ERCC1: variants seen among roughly 807,000 people sequenced by gnomAD.
The protein encoded by ERCC1 is DNA excision repair protein ERCC-1.
ERCC1 carries 36 observed loss-of-function variants against 37.6 expected under a neutral mutation model. That is an observed-to-expected ratio of 0.96 (90% CI 0.73 to 1.26). The LOEUF is 1.26. Ranked by LOEUF, ERCC1 falls within the 50% of genes most tolerant of loss-of-function variation. The pLI, the probability that ERCC1 is intolerant of heterozygous loss-of-function variation, is 0.00. For missense variants in ERCC1, 349 were observed against 376.5 expected, an observed-to-expected ratio of 0.93 and a Z score of 0.60; for synonymous variants, 156 against 162.1, an observed-to-expected ratio of 0.96 and a Z score of 0.28.
chr19:45,421,421 G>T (rs755931761), intron 2 of ERCC1, 28 bp from the exon 3 acceptor site: 1 of 1,553,654 alleles, frequency 6.4e-7, no homozygotes. Context: ...GTTTGCAGGG[G>T]ACTGGTTGGG....
At chr19:45,418,560 A>C (rs1369800481) in intron 5 of ERCC1, among the ~76,000 whole-genome samples, 1 of 151,104 alleles carries the variant, frequency 6.6e-6, no homozygotes, top group Non-Finnish European at 1.5e-5. Context: ...ACGGTGGCTC[A>C]TGCCTGTAAT....
chr19:45,439,721 G>A (rs1975069134), intron 1 of ERCC1, among the ~76,000 whole-genome samples: 1 of 151,976 alleles, frequency 6.6e-6, no homozygotes, highest in Admixed American at 6.6e-5. Flanking sequence ...CGCCCTGCCG[G>A]CTCGCCGGCG....
At position 45,408,037 on chromosome 19, in the gene ERCC1, G is replaced by C; in HGVS notation, c.*1638C>G. On this transcript the variant is annotated 3_prime_UTR_variant, in exon 10 of 10. Coordinates refer to ENST00000300853, the MANE Select transcript of ERCC1 (RefSeq NM_001983.4). ...CCACTGCACTCCAGCCTAGGCAACAGAGCAAGACTCTCTCAAAAAAAAACA... is the reference window on the plus strand; with the variant it reads ...CCACTGCACTCCAGCCTAGGCAACACAGCAAGACTCTCTCAAAAAAAAACA... 7.0e-7 allele frequency: 1 copy of C among 1,433,188 alleles called. No individual in the cohort carries two copies. The highest frequency in any genetic ancestry group is 9.3e-7 in the Non-Finnish European group (1 of 1,076,312). 88.8% of individuals were successfully genotyped at this position (1,433,188 alleles called of 1,614,324 possible). A position where few individuals can be genotyped will look rare whatever the true frequency, so the allele number is the denominator to read the frequency against.
At chr19:45,440,585 C>T (rs1568600045) in intron 1 of ERCC1, among the ~76,000 whole-genome samples, 1 of 152,148 alleles carries the variant, frequency 6.6e-6, no homozygotes, top group Non-Finnish European at 1.5e-5. Context: ...GCCAGCATCA[C>T]GGCTCATTCT....
intron 9 of ERCC1, 164 bp from the exon 10 acceptor site, chr19:45,409,889 A>ATTCTTTTT (rs1184782156): frequency 4.2e-6 from 1 of 237,318 alleles, no homozygotes; most frequent in Non-Finnish European, 6.8e-6. Flanking sequence ...TATTATTATT[A>ATTCTTTTT]TTATTATTTT....
chr19:45,447,309 CTT>C (rs964366035), intron 1 of ERCC1, among the ~76,000 whole-genome samples: 12 of 122,884 alleles, frequency 9.8e-5, no homozygotes, highest in African/African-American at 3.9e-4. Context: ...GAGATTTGCT[CTT>C]GTCATCCAGG....
intron 1 of ERCC1, among the ~76,000 whole-genome samples, chr19:45,436,289 T>C (rs1974973493): frequency 6.6e-6 from 1 of 152,152 alleles, no homozygotes; most frequent in Admixed American, 6.6e-5. Flanking sequence ...ATTAGTTTCT[T>C]AACGGCTACT....
chr19:45,409,099 G>C lies in ERCC1; in HGVS notation c.*576C>G, dbSNP rs768522342. ...CAGAAGGAGCGAAGCCTCAGGCCCA[G>C]GCAGCTCTGGCAGCTCCCAAAAAGA... On this transcript the variant is annotated 3_prime_UTR_variant, in exon 10 of 10. Coordinates refer to ENST00000300853, the MANE Select transcript of ERCC1 (RefSeq NM_001983.4). The C allele has an allele frequency of 1.2e-6, 2 of 1,613,526 alleles. No homozygotes were observed. The highest frequency in any genetic ancestry group is 2.2e-5 in the South Asian group (2 of 91,004).
intron 1 of ERCC1, among the ~76,000 whole-genome samples, chr19:45,429,627 T>C (rs930339381): frequency 6.6e-6 from 1 of 152,150 alleles, no homozygotes; most frequent in Non-Finnish European, 1.5e-5. Context: ...TCAGGGACCC[T>C]GGGTAGTTGC....
rs56670394 is a variant in ERCC1, at chr19:45,450,887, G to GCCCCCCCCC, written c.-7-27515_-7-27507dup. 5.1e-5 allele frequency among the ~76,000 whole-genome samples: 3 copies of GCCCCCCCCC among 59,382 alleles called. 1 individual carries two copies. The highest frequency in any genetic ancestry group is 7.3e-5 in the Non-Finnish European group (2 of 27,274). 39.0% of individuals were successfully genotyped at this position (59,382 alleles called of 152,430 possible). On this transcript the variant is annotated intron_variant, in intron 1 of 8. Transcript: ENST00000423698. ...ACGCGGCCGCCGTCTCCGTGCGCCC[G>GCCCCCCCCC]CCCCCCCCCCCCCCCCCCACGCCCG... is the stretch of plus-strand genomic sequence containing the variant.
chr19:45,436,394 A>G (rs1029541536), intron 1 of ERCC1, among the ~76,000 whole-genome samples: 3 of 152,078 alleles, frequency 2.0e-5, no homozygotes, highest in Admixed American at 2.0e-4. Flanking sequence ...TGGGAGGCCG[A>G]GGCGGGCGGA....
In ERCC1 at chr19:45,434,345, G is replaced by A. The variant is rs957059321; in HGVS notation, c.-7-10964C>T. On this transcript the variant is annotated intron_variant, in intron 1 of 8. Transcript: ENST00000423698. ...AAAAAATACAAAAAAAAAAAAAATC[G>A]CATGGCTTGGTGGCATGTGCCTGTA... Among the ~76,000 whole-genome samples, 4 of 142,856 alleles carry A rather than the reference G, an allele frequency of 2.8e-5. No individual in the cohort carries two copies. In the East Asian group the frequency reaches 6.2e-4, roughly 22 times the overall value. The allele number at this position is 142,856 out of a possible 152,430, so 93.7% of individuals were successfully genotyped here.
intron 1 of ERCC1, among the ~76,000 whole-genome samples, chr19:45,434,903 G>A (rs1339455146): frequency 2.6e-5 from 4 of 151,968 alleles, no homozygotes; most frequent in Non-Finnish European, 5.9e-5. Flanking sequence ...AGCCTCCTGA[G>A]TAGCTGGGAT....
rs1054551184 is a variant in ERCC1 at position 45,423,859 on chromosome 19, G to A, written c.-86C>T. On this transcript the variant is annotated 5_prime_UTR_variant, in exon 1 of 10. Coordinates refer to ENST00000300853, the MANE Select transcript of ERCC1 (RefSeq NM_001983.4). ...GGAGCCTCAAGGGAAAGACTGCAGA[G>A]GGATCGAGGCGGCCCACTGCCAGCA... The A allele has an allele frequency of 5.3e-6, 6 of 1,122,332 alleles. No homozygotes were observed. Among genetic ancestry groups the A allele is most frequent in the Non-Finnish European group, 6.6e-6 (6 of 910,910 alleles). The allele number at this position is 1,122,332 out of a possible 1,614,324, so 69.5% of individuals were successfully genotyped here. A position where few individuals can be genotyped will look rare whatever the true frequency, so the allele number is the denominator to read the frequency against.
Position 45,420,748 on chromosome 19 carries a change from G to A in ERCC1, c.322-321C>T, listed in dbSNP as rs1487579143. 6.6e-6 allele frequency among the ~76,000 whole-genome samples: 1 copy of A among 152,060 alleles called. No homozygotes were observed. The highest frequency in any genetic ancestry group is 2.1e-4 in the South Asian group (1 of 4,824). ...CTCTCCCTCCAGCCCCAGTCTGCGTGTCCTGTGGTCCTGAACACTTCCTGC... is the reference window on the plus strand; with the variant it reads ...CTCTCCCTCCAGCCCCAGTCTGCGTATCCTGTGGTCCTGAACACTTCCTGC... On this transcript the variant is annotated intron_variant, in intron 3 of 9. Transcript: ENST00000300853. The surrounding 1 kb of genome is among the most constrained non-coding windows in gnomAD (Gnocchi z 4.8).
intron 2 of ERCC1, among the ~76,000 whole-genome samples, chr19:45,423,057 A>T (rs149424929): frequency 4.6e-5 from 7 of 152,316 alleles, no homozygotes; most frequent in Admixed American, 3.9e-4. Context: ...GCTGAATGCC[A>T]GTGTCTGGCC....
rs767934577 is a variant in ERCC1, at chr19:45,421,254, G to A, written c.245C>T (p.Pro82Leu). The change falls in exon 3 of 10, where the codon CCC becomes CTC. Residue 82 changes from proline (P) to leucine (L), a missense_variant. Coordinates refer to ENST00000300853, the MANE Select transcript of ERCC1 (RefSeq NM_001983.4). ...CTGGTTGGGCGTCTCTCCTGCCAGG[G>A]GCTCTGACCCTGTGGGGCACGTGGC... is the stretch of plus-strand genomic sequence containing the variant. ...AGATCPTGSE[P>L]LAGETPNQAL... 6.2e-7 allele frequency: 1 copy of A among 1,614,194 alleles called. No individual in the cohort carries two copies. Among genetic ancestry groups the A allele is most frequent in the Non-Finnish European group, 8.5e-7 (1 of 1,180,034 alleles).
chr19:45,423,484 G>C, intron 1 of ERCC1, 103 bp from the exon 2 acceptor site: 1 of 1,509,942 alleles, frequency 6.6e-7, no homozygotes, highest in Non-Finnish European at 8.8e-7. Context: ...AACTCCGAGA[G>C]CTCCATAGCG....
At position 45,409,932 on chromosome 19, in the gene ERCC1, C is replaced by A. The variant is rs547771166; in HGVS notation, c.844-207G>T. 374 of 201,692 alleles carry A rather than the reference C, an allele frequency of 1.9e-3. 1 individual carries two copies. Among genetic ancestry groups the A allele is most frequent in the African/African-American group, 8.6e-3 (354 of 41,080 alleles). The allele number at this position is 201,692 out of a possible 1,614,324, so 12.5% of individuals were successfully genotyped here. A position where few individuals can be genotyped will look rare whatever the true frequency, so the allele number is the denominator to read the frequency against. On this transcript the variant is annotated intron_variant, in intron 9 of 9. Coordinates refer to ENST00000300853, the MANE Select transcript of ERCC1 (RefSeq NM_001983.4). ...TTTGAGATGGAGTCTCGCTCTGTCG[C>A]CCAGGTTGGAGTGCAGTGGCGCAAT...
Sources: gnomAD v4.1 joint callset for allele counts (sites outside exome capture counted in the v4.1 genomes callset) on GRCh38, gnomAD v4.1.1 for gene constraint, Gnocchi (gnomAD v3.1) non-coding constraint, MANE v1.5 for transcripts, NCBI Gene and HGNC (gene_info 2026-07-23, HGNC 2026-07-21) for gene names.